DHX37: variants seen among roughly 807,000 people sequenced by gnomAD.
The protein encoded by DHX37 is DEAH-box helicase 37.
Under a neutral mutation model 134.3 loss-of-function variants are expected in DHX37, and 52 were observed. That is an observed-to-expected ratio of 0.39 (90% CI 0.31 to 0.49). The LOEUF (loss-of-function observed/expected upper bound fraction) is 0.49. Ranked by LOEUF, DHX37 falls within the 20% of genes least tolerant of loss-of-function variation. The pLI is 0.93. For synonymous variants in DHX37, 634 were observed against 670.7 expected, an observed-to-expected ratio of 0.95 and a Z score of 0.85; for missense variants, 1,344 against 1,580.8, an observed-to-expected ratio of 0.85 and a Z score of 2.54.
chr12:124,976,438 G>A lies in DHX37; in HGVS notation c.887+904C>T, dbSNP rs569216654. ...TGAAAATGGTAAGCGCAGGCTGGGC[G>A]GGGTGGCTCACGCCTGTAATCCCAG... On this transcript the variant is annotated intron_variant, in intron 5 of 26. Transcript: ENST00000308736. Among the ~76,000 whole-genome samples the A allele has an allele frequency of 1.6e-4, 25 of 152,324 alleles. No homozygotes were observed. The South Asian group carries it at 1.9e-3, about 11-fold the overall frequency.
At chr12:124,969,856 G>C (rs1954478357) in intron 8 of DHX37, among the ~76,000 whole-genome samples, 1 of 151,990 alleles carries the variant, frequency 6.6e-6, no homozygotes, top group Admixed American at 6.6e-5. Flanking sequence ...AGAAGGTCGG[G>C]GTTGCAGTGA....
At chr12:124,978,878 A>C (rs1954700199) in intron 4 of DHX37, among the ~76,000 whole-genome samples, 1 of 151,602 alleles carries the variant, frequency 6.6e-6, no homozygotes, top group South Asian at 2.1e-4. Flanking sequence ...GCTGCAGTGA[A>C]CTGTGATCAC....
rs181413003 is a variant in DHX37 at position 124,978,088 on chromosome 12, G to A, written c.739-598C>T. Among the ~76,000 whole-genome samples, 27 of 152,236 alleles carry A rather than the reference G, an allele frequency of 1.8e-4. No individual in the cohort carries two copies. The East Asian group carries it at 5.0e-3, about 28-fold the overall frequency. On this transcript the variant is annotated intron_variant, in intron 4 of 26. Transcript: ENST00000308736. ...CGATTCTCCCGCCTCAGCCTCCTGA[G>A]TAGCTGGGATTACAGGCACATGCCA...
rs1954617387 is a variant in DHX37, at chr12:124,975,433, C to A, written c.966G>T (p.Met322Ile). The A allele has an allele frequency of 6.2e-7, 1 of 1,612,936 alleles. No individual in the cohort carries two copies. Among genetic ancestry groups the A allele is most frequent in the Admixed American group, 1.7e-5 (1 of 59,998 alleles). ...AGAGCCCTCACCGCTGGGACAGATTCATCTCCTTGGCCACTCGCTGGGACA... is the reference window on the plus strand; with the variant it reads ...AGAGCCCTCACCGCTGGGACAGATTAATCTCCTTGGCCACTCGCTGGGACA... ...VAMSQRVAKE[M>I]NLSQRVVSYQ... The change falls in exon 6 of 27, where the codon ATG becomes ATT. Residue 322 changes from methionine (M) to isoleucine (I), a missense_variant. Met to Ile is a conservative substitution (Grantham distance 10, BLOSUM62 1). Around this residue, in one of 7 missense-constraint regions of DHX37, gnomAD observed 32 missense variants for 28.9 expected, o/e 1.11. Coordinates refer to ENST00000308736, the MANE Select transcript of DHX37 (RefSeq NM_032656.4).
chr12:124,952,473 T>C lies in DHX37; in HGVS notation c.2793A>G (p.Ala931=), dbSNP rs4429156. The change falls in exon 21 of 27, where the codon GCA becomes GCG. Residue 931 remains alanine (A), a synonymous_variant. Coordinates refer to ENST00000308736, the MANE Select transcript of DHX37 (RefSeq NM_032656.4). ...TGCGGGCCAAGTGGTCCCCCAGGCC[T>C]GCCGTCACGATCTGTCGCAGGTAGG... ...QVTYLRQIVT[A]GLGDHLARRV... is the part of the protein sequence containing the mutation. 0.6 allele frequency: 971,026 copies of C among 1,608,214 alleles called. 297,908 individuals carry two copies. The highest frequency in any genetic ancestry group is 0.83 in the East Asian group (37,045 of 44,536).
Position 124,972,609 on chromosome 12 carries a change from C to T in DHX37, c.981-10G>A. On this transcript the variant is annotated splice_polypyrimidine_tract_variant and intron_variant, in intron 6 of 26. Transcript: ENST00000308736. ...CTGGTAGGAGACGACCCTGTATGGG[C>T]AGAGTTCGGGTTAGGGCAGAGCCGT... 6.2e-7 allele frequency: 1 copy of T among 1,614,000 alleles called. No individual in the cohort carries two copies. Among genetic ancestry groups the T allele is most frequent in the Non-Finnish European group, 8.5e-7 (1 of 1,179,872 alleles).
intron 8 of DHX37, among the ~76,000 whole-genome samples, chr12:124,969,599 C>T (rs1331574006): frequency 2.0e-5 from 3 of 151,902 alleles, no homozygotes; most frequent in Non-Finnish European, 4.4e-5. Flanking sequence ...TTCCTGATGG[C>T]CCCCAAAGAC....
chr12:124,976,511 A>G (rs1459051954), intron 5 of DHX37, among the ~76,000 whole-genome samples: 1 of 152,144 alleles, frequency 6.6e-6, no homozygotes, highest in Non-Finnish European at 1.5e-5. Flanking sequence ...CAGGAGTTCA[A>G]GACCAGCCTG....
intron 4 of DHX37, among the ~76,000 whole-genome samples, chr12:124,979,746 G>A (rs778226442): frequency 6.6e-6 from 1 of 152,184 alleles, no homozygotes; most frequent in Admixed American, 6.5e-5. Context: ...CTGAGTGACC[G>A]CGCGGAGCAG....
chr12:124,982,009 G>C (rs1263738711), intron 3 of DHX37, among the ~76,000 whole-genome samples: 1 of 151,814 alleles, frequency 6.6e-6, no homozygotes, highest in Non-Finnish European at 1.5e-5. Flanking sequence ...TGTAATCCCA[G>C]CTACTTGGGA....
At chr12:124,963,713 CA>C (rs140757458) in intron 15 of DHX37, among the ~76,000 whole-genome samples, 44,518 of 115,368 alleles carry the variant, frequency 0.39, 8,122 homozygotes, top group East Asian at 0.59. Context: ...ACTAAAAATA[CA>C]AAAAAAAAAA....
At chr12:124,964,247 G>C in intron 15 of DHX37, 147 bp downstream of exon 15, 2 of 1,193,954 alleles carry the variant, frequency 1.7e-6, no homozygotes, top group Non-Finnish European at 1.1e-6. Flanking sequence ...CCAGCAAAAG[G>C]GCTGGGGAGC....
At chr12:124,948,321 G>C (rs539722454) in intron 25 of DHX37, 140 bp from the exon 26 acceptor site, 3 of 1,405,064 alleles carry the variant, frequency 2.1e-6, no homozygotes, top group East Asian at 5.0e-5. Flanking sequence ...ATGGTGACAT[G>C]CACCTGTAGC....
At chr12:124,968,740 T>A in intron 9 of DHX37, 92 bp from the exon 10 acceptor site, 1 of 1,603,348 alleles carries the variant, frequency 6.2e-7, no homozygotes, top group African/African-American at 1.3e-5. Flanking sequence ...CGAATCAAGG[T>A]TTCTAACACC....
chr12:124,950,798 G>A lies in DHX37; in HGVS notation c.2875C>T (p.Leu959Phe). Reference protein sequence around the residue: ...DKWRNAYKTPLLDDPVFIHPS... With the variant: ...DKWRNAYKTPFLDDPVFIHPS... Reference sequence around the variant, plus strand: ...TGGATGAAGACAGGGTCGTCGAGGAGAGGGGTCTGCAGAGAATGGAGAGTG... The same window carrying A: ...TGGATGAAGACAGGGTCGTCGAGGAAAGGGGTCTGCAGAGAATGGAGAGTG... The change falls in exon 22 of 27, where the codon CTC (leucine) becomes TTC (phenylalanine). Residue 959 changes from leucine (L) to phenylalanine (F), a missense_variant. Physicochemically the swap from Leu to Phe is conservative, Grantham distance 22. Coordinates refer to ENST00000308736, the MANE Select transcript of DHX37 (RefSeq NM_032656.4). 1 of 1,606,476 alleles carries A rather than the reference G, an allele frequency of 6.2e-7. No homozygotes were observed. The highest frequency in any genetic ancestry group is 8.5e-7 in the Non-Finnish European group (1 of 1,177,920).
At chr12:124,963,371 T>A (rs984161045) in intron 15 of DHX37, among the ~76,000 whole-genome samples, 3 of 151,172 alleles carry the variant, frequency 2.0e-5, no homozygotes, top group Non-Finnish European at 4.4e-5. Context: ...AGAAGGGGGG[T>A]GACTGCAGTG....
In DHX37 at chr12:124,952,397, C is replaced by T; in HGVS notation, c.2868+1G>A. On this transcript the variant is annotated splice_donor_variant, in intron 21 of 26. Transcript: ENST00000308736. LOFTEE classifies it high-confidence loss of function. ...GGGCAGGGAGGCGGTGGGGGCCGCACCTTGTAGGCGTTCCTCCACTTGTCC... is the reference window on the plus strand; with the variant it reads ...GGGCAGGGAGGCGGTGGGGGCCGCATCTTGTAGGCGTTCCTCCACTTGTCC... 1 of 1,607,060 alleles carries T rather than the reference C, an allele frequency of 6.2e-7. No homozygotes were observed. The highest frequency in any genetic ancestry group is 8.5e-7 in the Non-Finnish European group (1 of 1,178,806).
chr12:124,948,271 C>T lies in DHX37; in HGVS notation c.3291-90G>A, dbSNP rs188077157. Reference sequence around the variant, plus strand: ...CCGAAAGCAGGGCAGGCATCACCACCCCACCAGCCCCACCCAGGAGGGTGA... The same window carrying T: ...CCGAAAGCAGGGCAGGCATCACCACTCCACCAGCCCCACCCAGGAGGGTGA... On this transcript the variant is annotated intron_variant, in intron 25 of 26. Coordinates refer to ENST00000308736, the MANE Select transcript of DHX37 (RefSeq NM_032656.4). The T allele has an allele frequency of 3.3e-3, 5,021 of 1,500,038 alleles. 28 individuals carry two copies. The highest frequency in any genetic ancestry group is 4.2e-3 in the Non-Finnish European group (4,756 of 1,123,848). 92.9% of individuals were successfully genotyped at this position (1,500,038 alleles called of 1,614,324 possible).
Position 124,956,617 on chromosome 12 carries a change from T to C in DHX37, c.2453+74A>G, listed in dbSNP as rs968643485. ...GATTCTTCTACCTCAGCCTCCTGAG[T>C]AGCTGGGACTCTCAGCCCAGAGCCC... On this transcript the variant is annotated intron_variant, in intron 18 of 26. Transcript: ENST00000308736. The C allele has an allele frequency of 2.8e-6, 4 of 1,453,154 alleles. No homozygotes were observed. The South Asian group carries it at 5.8e-5, about 21-fold the overall frequency. The allele number at this position is 1,453,154 out of a possible 1,614,324, so 90.0% of individuals were successfully genotyped here.
Sources: allele counts gnomAD v4.1 joint callset (sites outside exome capture counted in the v4.1 genomes callset), GRCh38; gene constraint gnomAD v4.1.1; regional missense constraint gnomAD v4.1.1; transcripts MANE v1.5; gene names NCBI Gene and HGNC (gene_info 2026-07-23, HGNC 2026-07-21).